The following SMU1 variants were observed in gnomAD, a reference collection of about 807,000 sequenced individuals.
The protein encoded by SMU1 is SMU1 DNA replication regulator and spliceosomal factor.
Under a neutral mutation model 62.0 loss-of-function variants are expected in SMU1, and 2 were observed. That is an observed-to-expected ratio of 0.03 (90% CI 0.01 to 0.10). The LOEUF is 0.10. Among genes scored for constraint, SMU1 ranks in the 10% least tolerant of loss-of-function variants. The probability of loss-of-function intolerance (pLI) is 1.00; values close to 1 mark genes in which losing one functional copy is unlikely to be tolerated. For synonymous variants in SMU1, 188 were observed against 212.4 expected (o/e 0.89, Z 1.00); for missense variants, 227 against 622.1 (o/e 0.36, Z 6.76).
At chr9:33,055,249 T>A (rs937634642) in intron 9 of SMU1, among the ~76,000 whole-genome samples, 2 of 152,164 alleles carry the variant, frequency 1.3e-5, no homozygotes, top group African/African-American at 4.8e-5. Context: ...AGAAAATTGC[T>A]CAATGCAGCC....
At chr9:33,074,191 G>A (rs950875795) in intron 1 of SMU1, among the ~76,000 whole-genome samples, 1 of 152,188 alleles carries the variant, frequency 6.6e-6, no homozygotes, top group African/African-American at 2.4e-5. Flanking sequence ...GGTTGGGCAT[G>A]CTGGCTCATG....
At chr9:33,048,027 A>G (rs1839205175) in intron 11 of SMU1, 79 bp downstream of exon 11, 2 of 1,366,564 alleles carry the variant, frequency 1.5e-6, no homozygotes. Flanking sequence ...ATAGCTCTGG[A>G]AAAGGCACAT....
intron 4 of SMU1, 145 bp downstream of exon 4, chr9:33,068,679 A>G (rs1289586233): frequency 1.1e-6 from 1 of 916,570 alleles, no homozygotes; most frequent in East Asian, 2.9e-5. Context: ...TAATTTTTTT[A>G]CTTTTTGTAG....
In SMU1 at chr9:33,053,160, C is replaced by G; in HGVS notation, c.1253G>C (p.Arg418Thr). 6.2e-7 allele frequency: 1 copy of G among 1,612,244 alleles called. No homozygotes were observed. Among genetic ancestry groups the G allele is most frequent in the Non-Finnish European group, 8.5e-7 (1 of 1,180,022 alleles). The change falls in exon 10 of 12, where the codon AGA (arginine) becomes ACA (threonine). Residue 418 changes from arginine (R) to threonine (T), a missense_variant. Around this residue, in one of 5 missense-constraint regions of SMU1, gnomAD observed 98 missense variants for 195.9 expected, o/e 0.50. Coordinates refer to ENST00000397149, the MANE Select transcript of SMU1 (RefSeq NM_018225.3). The stretch of plus-strand genomic sequence containing the variant: ...GTTCATGATGACCACCGTGTTTGAT[C>G]TGTTGCACACCACAAAGTGCTCAGG... The part of the protein sequence containing the change: ...KNPEHFVVCN[R>T]SNTVVIMNMQ...
At chr9:33,047,840 CA>C (rs1380713304) in intron 11 of SMU1, among the ~76,000 whole-genome samples, 1 of 152,054 alleles carries the variant, frequency 6.6e-6, no homozygotes, top group African/African-American at 2.4e-5. Context: ...GCCTGGGTGA[CA>C]GAGTGAGACT....
intron 10 of SMU1, 121 bp from the exon 11 acceptor site, chr9:33,048,379 A>G: frequency 2.4e-6 from 3 of 1,224,606 alleles, no homozygotes; most frequent in Non-Finnish European, 3.4e-6. Context: ...ATCATTTGTA[A>G]TTAGATCTCC....
intron 4 of SMU1, among the ~76,000 whole-genome samples, chr9:33,067,231 T>C (rs1315478556): frequency 7.0e-6 from 1 of 143,548 alleles, no homozygotes; most frequent in Non-Finnish European, 1.5e-5. Flanking sequence ...GAAGAGTAAG[T>C]GTGTATTGAG....
chr9:33,055,765 C>A (rs563373493), intron 9 of SMU1, among the ~76,000 whole-genome samples: 1 of 152,146 alleles, frequency 6.6e-6, no homozygotes, highest in South Asian at 2.1e-4. Context: ...CTGAGACTTT[C>A]GTGAATTTGA....
intron 10 of SMU1, among the ~76,000 whole-genome samples, chr9:33,051,695 G>A (rs551881834): frequency 4.6e-5 from 7 of 152,266 alleles, no homozygotes; most frequent in Non-Finnish European, 7.4e-5. Flanking sequence ...AGTTGCCAGG[G>A]GCTAGGGTTA....
In SMU1 at chr9:33,043,676, TAA is replaced by T. The variant is rs1839149951; in HGVS notation, c.*3615_*3616del. 6.6e-6 allele frequency: 1 copy of T among 152,026 alleles called. No individual in the cohort carries two copies. The highest frequency in any genetic ancestry group is 1.5e-5 in the Non-Finnish European group (1 of 68,002). 9.4% of individuals were successfully genotyped at this position (152,026 alleles called of 1,614,324 possible). A position where few individuals can be genotyped will look rare whatever the true frequency, so the allele number is the denominator to read the frequency against. ...TGTATTCTTTGTCCCTGCCCAAACC[TAA>T]AGATTGAGGAGGAACTGACAGCAAT... On this transcript the variant is annotated 3_prime_UTR_variant, in exon 12 of 12. Coordinates refer to ENST00000397149, the MANE Select transcript of SMU1 (RefSeq NM_018225.3).
intron 3 of SMU1, 144 bp downstream of exon 3, chr9:33,071,596 T>C (rs1468054300): frequency 3.5e-6 from 3 of 851,716 alleles, no homozygotes; most frequent in South Asian, 3.9e-5. Context: ...TCAGCCAACA[T>C]ATATAAACAG....
Position 33,073,605 on chromosome 9 carries a change from G to A in SMU1, c.228C>T (p.Leu76=). The change falls in exon 2 of 12, where the codon CTC becomes CTT. Residue 76 remains leucine (L), a synonymous_variant. Transcript: ENST00000397149. ...TCACCACCACTCTTACCTGTTCATA[G>A]AGGTCAATGAGGGTTTTGTCTGGCA... is the stretch of plus-strand genomic sequence containing the variant. ...LKLPDKTLID[L]YEQVVLELIE... 6.2e-7 allele frequency: 1 copy of A among 1,611,228 alleles called. No homozygotes were observed. The highest frequency in any genetic ancestry group is 1.1e-5 in the South Asian group (1 of 90,952).
chr9:33,062,776 C>T (rs967605955), intron 4 of SMU1, among the ~76,000 whole-genome samples: 1 of 152,006 alleles, frequency 6.6e-6, no homozygotes, highest in African/African-American at 2.4e-5. Flanking sequence ...GGACATAAAG[C>T]TTTTTCTATT....
At chr9:33,059,763 G>A (rs1334631176) in intron 6 of SMU1, among the ~76,000 whole-genome samples, 1 of 150,098 alleles carries the variant, frequency 6.7e-6, no homozygotes, top group Non-Finnish European at 1.5e-5. Flanking sequence ...CCACCACCAG[G>A]CCCAGCTAAT....
At chr9:33,057,010 T>C (rs111582564) in intron 7 of SMU1, 46 bp from the exon 8 acceptor site, 1 of 1,582,582 alleles carries the variant, frequency 6.3e-7, no homozygotes, top group East Asian at 2.2e-5. Context: ...TTGTTAAGTG[T>C]CCTACTATTA....
Position 33,073,537 on chromosome 9 carries a change from T to A in SMU1, c.237+59A>T, listed in dbSNP as rs1231912593. 5 of 1,270,604 alleles carry A rather than the reference T, an allele frequency of 3.9e-6. No homozygotes were observed. In the South Asian group the frequency reaches 6.3e-5, roughly 16 times the overall value. The allele number at this position is 1,270,604 out of a possible 1,614,324, so 78.7% of individuals were successfully genotyped here. A position where few individuals can be genotyped will look rare whatever the true frequency, so the allele number is the denominator to read the frequency against. On this transcript the variant is annotated intron_variant, in intron 2 of 11. Coordinates refer to ENST00000397149, the MANE Select transcript of SMU1 (RefSeq NM_018225.3). Reference sequence around the variant, plus strand: ...AGGAATGCTCACTGACGCTTTTTAGTTGGGGAGCTGGCCCACAACGAACCA... The same window carrying A: ...AGGAATGCTCACTGACGCTTTTTAGATGGGGAGCTGGCCCACAACGAACCA...
rs200968542 is a variant in SMU1 at position 33,057,565 on chromosome 9, C to G, written c.867+33G>C. On this transcript the variant is annotated intron_variant, in intron 7 of 11. Coordinates refer to ENST00000397149, the MANE Select transcript of SMU1 (RefSeq NM_018225.3). ...CCCCATAGCAGAACATTCAAAATGTCTACATATGAGAGGCTGTGGCACTAA... is the reference window on the plus strand; with the variant it reads ...CCCCATAGCAGAACATTCAAAATGTGTACATATGAGAGGCTGTGGCACTAA... 7.5e-4 allele frequency: 1,204 copies of G among 1,611,394 alleles called. 24 individuals are homozygous for G. The South Asian group carries it at 0.012, about 16-fold the overall frequency.
intron 9 of SMU1, among the ~76,000 whole-genome samples, chr9:33,055,418 G>T (rs1839293296): frequency 6.6e-6 from 1 of 152,072 alleles, no homozygotes; most frequent in Non-Finnish European, 1.5e-5. Flanking sequence ...AAAATGTCTA[G>T]ATCTTCTGCC....
chr9:33,059,600 T>G (rs1279661796), intron 6 of SMU1, among the ~76,000 whole-genome samples: 1 of 148,660 alleles, frequency 6.7e-6, no homozygotes, highest in Non-Finnish European at 1.5e-5. Flanking sequence ...TGTTTTGTTT[T>G]GTTTTGTTTT....
Sources: allele counts gnomAD v4.1 joint callset (sites outside exome capture counted in the v4.1 genomes callset), GRCh38; gene constraint gnomAD v4.1.1; regional missense constraint gnomAD v4.1.1; transcripts MANE v1.5; gene names NCBI Gene and HGNC (gene_info 2026-07-23, HGNC 2026-07-21).